The following PIK3C2G variants were observed in gnomAD, a reference collection of about 807,000 sequenced individuals.
PIK3C2G encodes the protein phosphatidylinositol-4-phosphate 3-kinase catalytic subunit type 2 gamma, also known as phosphatidylinositol 3-kinase C2 domain-containing subunit gamma.
Under a neutral mutation model 181.1 loss-of-function variants are expected in PIK3C2G, and 168 were observed. That is an observed-to-expected ratio of 0.93 (90% CI 0.82 to 1.05). The LOEUF is 1.05. Ranked by LOEUF, PIK3C2G falls within the 50% of genes least tolerant of loss-of-function variation. The pLI is 0.00. For synonymous variants in PIK3C2G, 573 were observed against 592.2 expected, an observed-to-expected ratio of 0.97 and a Z score of 0.47; for missense variants, 1,869 against 1,732.8, an observed-to-expected ratio of 1.08 and a Z score of -1.40.
At chr12:18,268,355 A>G (rs4526820) in intron 1 of PIK3C2G, among the ~76,000 whole-genome samples, 12,145 of 152,032 alleles carry the variant, frequency 0.08, 658 homozygotes, top group South Asian at 0.12. Context: ...CAGCAAGTCA[A>G]CTGTATTGAT....
At chr12:18,656,435 G>A in the PIK3C2G span, among the ~76,000 whole-genome samples, 18 of 151,926 alleles carry the variant, frequency 1.2e-4, no homozygotes, top group Admixed American at 2.6e-4. Context: ...GCATGGTGGC[G>A]GGCGCCTGTA....
At chr12:18,341,827 T>C (rs1379609622) in intron 9 of PIK3C2G, among the ~76,000 whole-genome samples, 1 of 152,158 alleles carries the variant, frequency 6.6e-6, no homozygotes, top group Admixed American at 6.6e-5. Flanking sequence ...TAAGAAGCTT[T>C]TCTTTTTCTT....
intron 26 of PIK3C2G, among the ~76,000 whole-genome samples, chr12:18,560,030 A>G (rs1468061596): frequency 2.0e-5 from 3 of 151,250 alleles, no homozygotes; most frequent in African/African-American, 7.3e-5. Flanking sequence ...TTTTTAGTAG[A>G]GATGGGGTTT....
intron 24 of PIK3C2G, among the ~76,000 whole-genome samples, chr12:18,524,932 A>T (rs192429095): frequency 6.6e-6 from 1 of 152,312 alleles, no homozygotes; most frequent in East Asian, 1.9e-4. Flanking sequence ...TGATATCAGT[A>T]AAATTCTTAG....
At chr12:18,688,083 G>C in the PIK3C2G span, 1 of 1,610,236 alleles carries the variant, frequency 6.2e-7, no homozygotes, top group East Asian at 2.2e-5. Context: ...TATATCAGGA[G>C]CTCACCATTT....
chr12:18,585,082 C>T (rs1946702367), intron 29 of PIK3C2G, among the ~76,000 whole-genome samples: 1 of 152,120 alleles, frequency 6.6e-6, no homozygotes, highest in South Asian at 2.1e-4. Context: ...TCAGATGATA[C>T]AGAAACACAC....
the PIK3C2G span, among the ~76,000 whole-genome samples, chr12:18,709,150 A>G: frequency 2.6e-5 from 4 of 152,072 alleles, no homozygotes; most frequent in African/African-American, 7.2e-5. Flanking sequence ...AGTTTCTAAT[A>G]TTATATGTAA....
At chr12:18,529,030 T>A (rs987959169) in intron 24 of PIK3C2G, among the ~76,000 whole-genome samples, 3 of 152,074 alleles carry the variant, frequency 2.0e-5, no homozygotes, top group Non-Finnish European at 2.9e-5. Flanking sequence ...AAGTTGTAGG[T>A]AATAAGTAGA....
chr12:18,516,361 C>T (rs1367532387), intron 24 of PIK3C2G, among the ~76,000 whole-genome samples: 1 of 150,894 alleles, frequency 6.6e-6, no homozygotes, highest in Non-Finnish European at 1.5e-5. Flanking sequence ...TGGATTGAGT[C>T]TCGGCTAAAA....
In PIK3C2G at chr12:18,503,757, A is replaced by G. The variant is rs116733965; in HGVS notation, c.3153+340A>G. On this transcript the variant is annotated intron_variant, in intron 23 of 32. Coordinates refer to ENST00000538779, the MANE Select transcript of PIK3C2G (RefSeq NM_001288772.2). The stretch of plus-strand genomic sequence containing the variant: ...TATAAATATCCCTTCTTTTCTTTGC[A>G]ATACATTTCTTCTGCCATTCCCCAC... Among the ~76,000 whole-genome samples the G allele has an allele frequency of 4.8e-3, 724 of 152,320 alleles. 6 individuals are homozygous for G. The highest frequency in any genetic ancestry group is 0.017 in the African/African-American group (698 of 41,554).
At chr12:18,583,172 G>A (rs1201332984) in intron 29 of PIK3C2G, among the ~76,000 whole-genome samples, 1 of 151,898 alleles carries the variant, frequency 6.6e-6, no homozygotes, top group Admixed American at 6.5e-5. Context: ...AGTGTGTTCA[G>A]GCCAGCAACA....
intron 31 of PIK3C2G, among the ~76,000 whole-genome samples, chr12:18,615,082 A>G (rs911550183): frequency 1.3e-5 from 2 of 151,976 alleles, no homozygotes; most frequent in Non-Finnish European, 2.9e-5. Context: ...AGCAGTGTAC[A>G]CTGTACCCAA....
intron 24 of PIK3C2G, among the ~76,000 whole-genome samples, chr12:18,509,436 A>G (rs534608672): frequency 6.6e-6 from 1 of 152,374 alleles, no homozygotes; most frequent in African/African-American, 2.4e-5. Flanking sequence ...TGAGAAAAAA[A>G]CATTTCTCAC....
chr12:18,686,718 T>A, the PIK3C2G span, among the ~76,000 whole-genome samples: 1 of 152,076 alleles, frequency 6.6e-6, no homozygotes, highest in African/African-American at 2.4e-5. Flanking sequence ...ATTTTACTTA[T>A]AGCATCATCT....
chr12:18,258,078 C>A (rs146536804), upstream of PIK3C2G, among the ~76,000 whole-genome samples: 431 of 152,144 alleles, frequency 2.8e-3, 1 homozygote, highest in African/African-American at 0.01. Flanking sequence ...CACCTCTGCT[C>A]CTGCTGAACA....
intron 11 of PIK3C2G, among the ~76,000 whole-genome samples, chr12:18,350,007 AC>A (rs1176240022): frequency 6.6e-6 from 1 of 152,182 alleles, no homozygotes; most frequent in African/African-American, 2.4e-5. Flanking sequence ...CGTGGTTATT[AC>A]TGAGGGCAAA....
At chr12:18,464,791 A>G (rs1937676442) in intron 18 of PIK3C2G, among the ~76,000 whole-genome samples, 1 of 151,986 alleles carries the variant, frequency 6.6e-6, no homozygotes, top group Non-Finnish European at 1.5e-5. Flanking sequence ...GTTAGTTTTC[A>G]CTAGTTTATT....
chr12:18,439,764 T>A (rs1946641950), intron 18 of PIK3C2G, among the ~76,000 whole-genome samples: 1 of 152,126 alleles, frequency 6.6e-6, no homozygotes, highest in South Asian at 2.1e-4. Flanking sequence ...ATTCTATCCA[T>A]ACCACGTCAT....
At chr12:18,569,351 A>G (rs1945806213) in intron 29 of PIK3C2G, among the ~76,000 whole-genome samples, 1 of 147,920 alleles carries the variant, frequency 6.8e-6, no homozygotes, top group Non-Finnish European at 1.5e-5. Context: ...GTTTCATCAG[A>G]GATCCCAAGC....
Sources: gnomAD v4.1 joint callset for allele counts (sites outside exome capture counted in the v4.1 genomes callset) on GRCh38, gnomAD v4.1.1 for gene constraint, MANE v1.5 for transcripts, NCBI Gene and HGNC (gene_info 2026-07-23, HGNC 2026-07-21) for gene names.